ABCA8: variants seen among roughly 807,000 people sequenced by gnomAD.
ABCA8 encodes ABC-type organic anion transporter ABCA8.
In ABCA8, 177 loss-of-function variants were observed where a neutral mutation model predicts 192.3. The observed-to-expected ratio is 0.92, with a 90% CI of 0.81 to 1.04. The LOEUF (loss-of-function observed/expected upper bound fraction) is 1.04. Ranked by LOEUF, ABCA8 falls within the 50% of genes least tolerant of loss-of-function variation. ABCA8 has a pLI of 0.00. For missense variants in ABCA8, 1,915 were observed against 1,904.8 expected (o/e 1.01, Z -0.10); for synonymous variants, 642 against 690.2 (o/e 0.93, Z 1.09).
chr17:68,901,000 A>G (rs2066895275), intron 21 of ABCA8, among the ~76,000 whole-genome samples: 1 of 152,178 alleles, frequency 6.6e-6, no homozygotes, highest in African/African-American at 2.4e-5. Flanking sequence ...AAACATAAAA[A>G]TGTGAAAAAT....
intron 19 of ABCA8, among the ~76,000 whole-genome samples, chr17:68,904,291 A>AAATAAT (rs71144635): frequency 1.1e-4 from 16 of 144,330 alleles, no homozygotes; most frequent in Non-Finnish European, 2.3e-4. Flanking sequence ...CAAAAAAAAG[A>AAATAAT]AATAATAATA....
chr17:68,924,121 G>A (rs1307099879), intron 11 of ABCA8, among the ~76,000 whole-genome samples: 1 of 152,132 alleles, frequency 6.6e-6, no homozygotes, highest in African/African-American at 2.4e-5. Context: ...AGCACTTTGT[G>A]AGGCCAAGTG....
intron 37 of ABCA8, 33 bp from the exon 38 acceptor site, chr17:68,869,812 C>A: frequency 7.0e-7 from 1 of 1,437,062 alleles, no homozygotes; most frequent in Non-Finnish European, 9.8e-7. Context: ...AAGAGTGATA[C>A]CACTTGTGCC....
In ABCA8 at chr17:68,876,442, C is replaced by T. The variant is rs574650033; in HGVS notation, c.4370+18G>A. The T allele has an allele frequency of 2.5e-5, 40 of 1,613,764 alleles. No homozygotes were observed. The highest frequency in any genetic ancestry group is 1.0e-4 in the Admixed American group (6 of 60,000). ...GCAAGTCATCCGTGCTGTCCCTGAC[C>T]GTGGTAATGTTCCTCACCACATTTG... is the stretch of plus-strand genomic sequence containing the variant. On this transcript the variant is annotated intron_variant, in intron 35 of 39. Coordinates refer to ENST00000586539, the MANE Select transcript of ABCA8 (RefSeq NM_001288985.2).
At chr17:68,904,565 T>C (rs142237462) in intron 19 of ABCA8, among the ~76,000 whole-genome samples, 241 of 152,088 alleles carry the variant, frequency 1.6e-3, no homozygotes, top group African/African-American at 5.6e-3. Flanking sequence ...AAAACCACCA[T>C]AGGTAGGTGA....
At chr17:68,914,034 A>G (rs1156968693) in intron 17 of ABCA8, among the ~76,000 whole-genome samples, 5 of 152,154 alleles carry the variant, frequency 3.3e-5, no homozygotes, top group Admixed American at 1.3e-4. Context: ...TCATACCAAC[A>G]GAATAAAGGG....
At chr17:68,918,930 C>CAAAAAA (rs34377045) in intron 14 of ABCA8, among the ~76,000 whole-genome samples, 1,809 of 45,890 alleles carry the variant, frequency 0.039, 126 homozygotes, top group East Asian at 0.091. Flanking sequence ...AACTCTGTCT[C>CAAAAAA]AAAAAAAAAA....
Position 68,875,389 on chromosome 17 carries a change from G to C in ABCA8, c.4502C>G (p.Ser1501Cys), listed in dbSNP as rs747025813. Residue 1501 changes from serine to cysteine, a missense_variant, in exon 37 of 40, where the codon TCC becomes TGC. Ser to Cys is a moderately radical substitution (Grantham distance 112). Coordinates refer to ENST00000586539, the MANE Select transcript of ABCA8 (RefSeq NM_001288985.2). The part of the protein sequence containing the change: ...MVSGRLRCIG[S>C]IQHLKSKFGK... ...AAATTTGCTTTTCAGGTGTTGGATG[G>C]AACCGATACATCTGGAGGATGAGGT... 53 of 1,613,812 alleles carry C rather than the reference G, an allele frequency of 3.3e-5. No homozygotes were observed. In the Admixed American group the frequency reaches 7.5e-4, roughly 23 times the overall value.
chr17:68,932,374 A>G lies in ABCA8; in HGVS notation c.711T>C (p.Ile237=), dbSNP rs775600869. 6.2e-6 allele frequency: 10 copies of G among 1,614,098 alleles called. No homozygotes were observed. The highest frequency in any genetic ancestry group is 8.5e-6 in the Non-Finnish European group (10 of 1,179,940). ...TTGTGACATTAACAGATGCATAGTA[A>G]ATGAATGAGGAAAATGAAATAATGC... ...FSCIISFSSF[I]YYASVNVTRE... The change falls in exon 7 of 40, where the codon ATT becomes ATC. Residue 237 remains isoleucine (I), a synonymous_variant. Transcript: ENST00000586539.
intron 5 of ABCA8, 74 bp downstream of exon 5, chr17:68,936,877 A>G (rs2068081249): frequency 1.5e-6 from 2 of 1,324,704 alleles, no homozygotes; most frequent in South Asian, 1.7e-5. Context: ...TTGGCATACT[A>G]ACCTCTATTC....
At chr17:68,907,594 A>G in intron 18 of ABCA8, 146 bp downstream of exon 18, 1 of 719,052 alleles carries the variant, frequency 1.4e-6, no homozygotes, top group Non-Finnish European at 2.0e-6. Flanking sequence ...ACAGAAAATA[A>G]TTCAGTTATT....
chr17:68,930,183 C>A (rs983284394), intron 7 of ABCA8, among the ~76,000 whole-genome samples: 1 of 152,114 alleles, frequency 6.6e-6, no homozygotes, highest in African/African-American at 2.4e-5. Flanking sequence ...TACAGGGTAG[C>A]CCCTCAGTGA....
Position 68,940,880 on chromosome 17 carries a change from A to G in ABCA8, c.179T>C (p.Leu60Pro), listed in dbSNP as rs1238031987. ...ATCTACCCGTCCCAGGTCCATGGTA[A>G]GCAGTGAAGAAAAATCATTTACTTG... The part of the protein sequence containing the change: ...SHQVNDFSSL[L>P]TMDLGRVDTF... Residue 60 changes from leucine to proline, a missense_variant, in exon 4 of 40, where the codon CTT (leucine) becomes CCT (proline). Leu to Pro is a moderately conservative substitution (Grantham distance 98). Transcript: ENST00000586539. The G allele has an allele frequency of 6.2e-6, 10 of 1,613,186 alleles. No individual in the cohort carries two copies. The African/African-American group carries it at 1.3e-4, about 22-fold the overall frequency.
rs538783130 is a variant in ABCA8 at position 68,885,304 on chromosome 17, G to A, written c.3441C>T (p.Phe1147=). 7.6e-5 allele frequency: 123 copies of A among 1,610,576 alleles called. 2 individuals carry two copies. The South Asian group carries it at 1.2e-3, about 16-fold the overall frequency. ...TACTGAACGCAAATCCAGCCACAGA[G>A]AATACAGTGACCTAAAAGAAGCAAA... ...WSFCFYVVTV[F]SVAGFAFSIF... Residue 1147 remains phenylalanine (F), a synonymous_variant, in exon 27 of 40, where the codon TTC becomes TTT. Coordinates refer to ENST00000586539, the MANE Select transcript of ABCA8 (RefSeq NM_001288985.2).
rs752239951 is a variant in ABCA8, at chr17:68,876,644, T to C, written c.4259A>G (p.Glu1420Gly). 5 of 1,614,044 alleles carry C rather than the reference T, an allele frequency of 3.1e-6. No individual in the cohort carries two copies. The African/African-American group carries it at 5.3e-5, about 17-fold the overall frequency. ...QLKSPVKTLS[E>G]GIKRKLCFVL... is the part of the protein sequence containing the mutation. The stretch of plus-strand genomic sequence containing the variant: ...TGCCCGTACCTTTCTCTTTATTCCC[T>C]CTGACAAGGTCTTCACGGGAGACTT... The change falls in exon 34 of 40, where the codon GAG becomes GGG. Residue 1420 changes from glutamate to glycine, a missense_variant. Physicochemically the swap from Glu to Gly is moderately conservative, Grantham distance 98. Coordinates refer to ENST00000586539, the MANE Select transcript of ABCA8 (RefSeq NM_001288985.2).
At chr17:68,924,918 G>T (rs184964667) in intron 10 of ABCA8, 49 bp from the exon 11 acceptor site, 1 of 1,581,354 alleles carries the variant, frequency 6.3e-7, no homozygotes, top group Admixed American at 1.7e-5. Flanking sequence ...CCACGTTAGG[G>T]AGAGAGAGTC....
intron 37 of ABCA8, among the ~76,000 whole-genome samples, chr17:68,872,608 A>T (rs1413409608): frequency 2.0e-5 from 3 of 151,664 alleles, no homozygotes; most frequent in African/African-American, 7.2e-5. Context: ...AAAATAAAAA[A>T]AATAAAAAAA....
intron 11 of ABCA8, 56 bp from the exon 12 acceptor site, chr17:68,922,356 A>T: frequency 1.3e-5 from 15 of 1,179,022 alleles, no homozygotes; most frequent in Middle Eastern, 2.0e-4. Flanking sequence ...TGTAATTTCC[A>T]GTTTGGTAGA....
intron 17 of ABCA8, among the ~76,000 whole-genome samples, chr17:68,915,335 G>A (rs1391298304): frequency 1.3e-5 from 2 of 152,042 alleles, no homozygotes; most frequent in African/African-American, 4.8e-5. Context: ...CAAGTAAAGA[G>A]ACAACTCATA....
Sources: gnomAD v4.1 joint callset for allele counts (sites outside exome capture counted in the v4.1 genomes callset) on GRCh38, gnomAD v4.1.1 for gene constraint, MANE v1.5 for transcripts, NCBI Gene and HGNC (gene_info 2026-07-23, HGNC 2026-07-21) for gene names.